The following FER variants were observed in gnomAD, a reference collection of about 807,000 sequenced individuals.
FER encodes FER tyrosine kinase, also known as tyrosine-protein kinase Fer.
In FER, 63 loss-of-function variants were observed where a neutral mutation model predicts 111.0. That is an observed-to-expected ratio of 0.57 (90% CI 0.46 to 0.70). The LOEUF (loss-of-function observed/expected upper bound fraction) is 0.70. FER is among the 30% of genes least tolerant of loss of function. The pLI, the probability that FER is intolerant of heterozygous loss-of-function variation, is 0.00. For synonymous variants in FER, 327 were observed against 313.9 expected (o/e 1.04, Z -0.44); for missense variants, 914 against 954.0 (o/e 0.96, Z 0.55).
intron 10 of FER, among the ~76,000 whole-genome samples, chr5:108,944,020 C>T (rs1561655887): frequency 6.6e-6 from 1 of 152,004 alleles, no homozygotes; most frequent in Non-Finnish European, 1.5e-5. Flanking sequence ...AGGCATGAAC[C>T]ACCAAGCCTG....
At position 108,798,192 on chromosome 5, in the gene FER, G is replaced by T; in HGVS notation, c.10G>T (p.Gly4Trp). The change falls in exon 3 of 20, where the codon GGG becomes TGG. Residue 4 changes from glycine (G) to tryptophan (W), a missense_variant. Coordinates refer to ENST00000281092, the MANE Select transcript of FER (RefSeq NM_005246.4). ...ACCAGTGCCTTACAAAATGGGGTTT[G>T]GGAGTGACCTGAAGAATTCACATGA... Reference protein sequence around the residue: MGFGSDLKNSHEAV... With the variant: MGFWSDLKNSHEAV... 1.2e-6 allele frequency: 2 copies of T among 1,613,896 alleles called. No individual in the cohort carries two copies. Among genetic ancestry groups the T allele is most frequent in the Non-Finnish European group, 1.7e-6 (2 of 1,179,916 alleles).
At chr5:109,056,294 C>T (rs966021181) in intron 16 of FER, among the ~76,000 whole-genome samples, 7 of 152,160 alleles carry the variant, frequency 4.6e-5, no homozygotes, top group African/African-American at 7.2e-5. Flanking sequence ...GTGTTACTCA[C>T]GATAGCCAAG....
intron 9 of FER, among the ~76,000 whole-genome samples, chr5:108,896,449 G>A (rs1749110007): frequency 1.3e-5 from 2 of 152,118 alleles, no homozygotes; most frequent in South Asian, 4.1e-4. Flanking sequence ...TGATGTAAAT[G>A]CTGATTACCA....
chr5:108,828,041 T>A (rs973052067), intron 3 of FER, among the ~76,000 whole-genome samples: 1 of 150,212 alleles, frequency 6.7e-6, no homozygotes, highest in African/African-American at 2.4e-5. Context: ...TGATTAAAAA[T>A]TTTTTTTTTG....
In FER at chr5:108,837,414, C is replaced by T. The variant is rs528790830; in HGVS notation, c.481+1607C>T. Among the ~76,000 whole-genome samples the T allele has an allele frequency of 9.9e-5, 15 of 152,254 alleles. No homozygotes were observed. In the East Asian group the frequency reaches 2.9e-3, roughly 29 times the overall value. On this transcript the variant is annotated intron_variant, in intron 5 of 19. Transcript: ENST00000281092. ...ATCATCAAGAATAGTTTAAAAATAACTTTATACATTAAACATTACTTCTTA... is the reference window on the plus strand; with the variant it reads ...ATCATCAAGAATAGTTTAAAAATAATTTTATACATTAAACATTACTTCTTA...
intron 13 of FER, among the ~76,000 whole-genome samples, chr5:109,011,702 A>G (rs796415871): frequency 2.2e-4 from 33 of 152,148 alleles, no homozygotes; most frequent in African/African-American, 7.5e-4. Flanking sequence ...GTTCAGGGCT[A>G]TTTTATCTTT....
intron 2 of FER, among the ~76,000 whole-genome samples, chr5:108,790,427 A>C (rs1329047539): frequency 6.6e-6 from 1 of 152,142 alleles, no homozygotes; most frequent in African/African-American, 2.4e-5. Flanking sequence ...CAAGAAATTC[A>C]CCTCTGGTAT....
At chr5:109,101,433 A>G (rs7709482) in intron 17 of FER, among the ~76,000 whole-genome samples, 60,528 of 151,692 alleles carry the variant, frequency 0.4, 12,807 homozygotes, top group African/African-American at 0.54. Flanking sequence ...GTTGTATAAT[A>G]TATAATTAAA....
intron 13 of FER, among the ~76,000 whole-genome samples, chr5:109,010,449 G>T (rs563830387): frequency 1.3e-5 from 2 of 152,214 alleles, no homozygotes; most frequent in Non-Finnish European, 2.9e-5. Flanking sequence ...GAGCCACCGT[G>T]CCCAGCCTTT....
intron 13 of FER, among the ~76,000 whole-genome samples, chr5:109,030,942 G>A (rs903153715): frequency 6.6e-6 from 1 of 152,046 alleles, no homozygotes; most frequent in African/African-American, 2.4e-5. Context: ...AAACAAAGAG[G>A]CCTCTTAGGC....
At chr5:109,006,727 T>TA (rs1765545934) in intron 13 of FER, among the ~76,000 whole-genome samples, 1 of 152,066 alleles carries the variant, frequency 6.6e-6, no homozygotes, top group South Asian at 2.1e-4. Flanking sequence ...TAAAGATGAG[T>TA]AAAAAATTGT....
chr5:108,856,776 G>A (rs1462632449), intron 5 of FER, among the ~76,000 whole-genome samples: 1 of 151,184 alleles, frequency 6.6e-6, no homozygotes, highest in Non-Finnish European at 1.5e-5. Context: ...TTTTTTTTCA[G>A]TGTGACTTCT....
At chr5:108,867,235 A>G (rs993898265) in intron 5 of FER, among the ~76,000 whole-genome samples, 1 of 152,146 alleles carries the variant, frequency 6.6e-6, no homozygotes, top group African/African-American at 2.4e-5. Flanking sequence ...GAATGAAAGG[A>G]AGGAAGGAAT....
intron 17 of FER, among the ~76,000 whole-genome samples, chr5:109,179,289 GA>G (rs1247473010): frequency 6.6e-6 from 1 of 152,122 alleles, no homozygotes; most frequent in Middle Eastern, 3.2e-3. Context: ...GACCTCAATA[GA>G]AAAAAATTTA....
chr5:108,961,785 A>T (rs1286294093), intron 13 of FER, among the ~76,000 whole-genome samples: 2 of 152,196 alleles, frequency 1.3e-5, no homozygotes, highest in African/African-American at 2.4e-5. Context: ...TGGATTTGTT[A>T]TGGTGGTAGT....
chr5:109,136,024 G>A (rs1430258874), intron 17 of FER, among the ~76,000 whole-genome samples: 1 of 152,066 alleles, frequency 6.6e-6, no homozygotes, highest in South Asian at 2.1e-4. Flanking sequence ...GGGAGGCCAA[G>A]GCAGTTGGTT....
chr5:109,064,452 C>G (rs1232883536), intron 16 of FER, among the ~76,000 whole-genome samples: 2 of 152,090 alleles, frequency 1.3e-5, no homozygotes, highest in Non-Finnish European at 2.9e-5. Flanking sequence ...AGGATCACTC[C>G]TGTAAAGAAA....
chr5:109,054,720 T>A (rs1224458636), intron 16 of FER, among the ~76,000 whole-genome samples: 1 of 152,146 alleles, frequency 6.6e-6, no homozygotes, highest in Admixed American at 6.5e-5. Context: ...AGTTTAAAAT[T>A]TATATTTGAG....
intron 17 of FER, among the ~76,000 whole-genome samples, chr5:109,111,068 T>A (rs182155892): frequency 2.6e-5 from 4 of 152,294 alleles, no homozygotes; most frequent in African/African-American, 9.6e-5. Flanking sequence ...ATTGGACATA[T>A]GTTTCCCAAA....
Sources: allele counts gnomAD v4.1 joint callset (sites outside exome capture counted in the v4.1 genomes callset), GRCh38; gene constraint gnomAD v4.1.1; transcripts MANE v1.5; gene names NCBI Gene and HGNC (gene_info 2026-07-23, HGNC 2026-07-21).